Variants in LCA5 observed in about 807,000 individuals in gnomAD.
LCA5 encodes lebercilin LCA5.
In LCA5, 37 loss-of-function variants were observed where a neutral mutation model predicts 53.0. The ratio of observed to expected loss-of-function variants is 0.70; its 90% CI spans 0.54 to 0.92. LCA5 has a LOEUF of 0.92. Ranked by LOEUF, LCA5 falls within the 40% of genes least tolerant of loss-of-function variation. LCA5 has a pLI of 0.00. For missense variants in LCA5, 806 were observed against 790.5 expected, an observed-to-expected ratio of 1.02 and a Z score of -0.23; for synonymous variants, 303 against 282.9, an observed-to-expected ratio of 1.07 and a Z score of -0.71.
At chr6:79,508,749 T>C (rs1770334433) in intron 3 of LCA5, among the ~76,000 whole-genome samples, 1 of 152,182 alleles carries the variant, frequency 6.6e-6, no homozygotes, top group South Asian at 2.1e-4. Flanking sequence ...CAGGATTTTC[T>C]TAGGTTTTAG....
At chr6:79,528,043 C>G (rs940596287) in intron 1 of LCA5, among the ~76,000 whole-genome samples, 2 of 152,150 alleles carry the variant, frequency 1.3e-5, no homozygotes, top group Non-Finnish European at 2.9e-5. Flanking sequence ...TACAAGCCCT[C>G]AACAAGAGTA....
upstream of LCA5, among the ~76,000 whole-genome samples, chr6:79,538,152 A>AG (rs35953381): frequency 2.6e-5 from 1 of 38,984 alleles, no homozygotes; most frequent in African/African-American, 2.1e-4. Flanking sequence ...CAGGGAAGGT[A>AG]AAAAAAAATC....
chr6:79,494,414 T>C (rs1372857441), intron 3 of LCA5, among the ~76,000 whole-genome samples: 2 of 152,118 alleles, frequency 1.3e-5, no homozygotes, highest in African/African-American at 4.8e-5. Flanking sequence ...ATAAAATAAT[T>C]CATGTTGAAA....
At chr6:79,519,698 A>G (rs1766564451) in intron 1 of LCA5, among the ~76,000 whole-genome samples, 1 of 149,718 alleles carries the variant, frequency 6.7e-6, no homozygotes, top group Non-Finnish European at 1.5e-5. Context: ...GCCTGGTGAC[A>G]GAATGAGACT....
Position 79,485,036 on chromosome 6 carries a change from T to C in LCA5, c.*1968A>G, listed in dbSNP as rs1769605861. 6.6e-6 allele frequency: 1 copy of C among 152,468 alleles called. No homozygotes were observed. The highest frequency in any genetic ancestry group is 6.6e-5 in the Admixed American group (1 of 15,266). The allele number at this position is 152,468 out of a possible 1,614,324, so 9.4% of individuals were successfully genotyped here. A position where few individuals can be genotyped will look rare whatever the true frequency, so the allele number is the denominator to read the frequency against. On this transcript the variant is annotated 3_prime_UTR_variant, in exon 8 of 8. Coordinates refer to ENST00000369846, the MANE Select transcript of LCA5 (RefSeq NM_001122769.3). Reference sequence around the variant, plus strand: ...GTAACAGTTCTGAGTACAAATAAATTTAATGACATTTAGAAAAAAAAACAA... The same window carrying C: ...GTAACAGTTCTGAGTACAAATAAATCTAATGACATTTAGAAAAAAAAACAA...
intron 6 of LCA5, 41 bp from the exon 7 acceptor site, chr6:79,489,257 A>G: frequency 6.3e-7 from 1 of 1,597,642 alleles, no homozygotes; most frequent in Non-Finnish European, 8.5e-7. Context: ...CAAATTATAG[A>G]AAAGGGGGGG....
intron 1 of LCA5, among the ~76,000 whole-genome samples, chr6:79,528,968 A>G (rs1178884154): frequency 1.3e-5 from 2 of 152,242 alleles, no homozygotes; most frequent in Non-Finnish European, 2.9e-5. Context: ...AAACTGGCAG[A>G]AAATGCTGGA....
chr6:79,487,646 T>C lies in LCA5; in HGVS notation c.1452A>G (p.Leu484=), dbSNP rs149960315. 4.3e-6 allele frequency: 7 copies of C among 1,614,072 alleles called. No individual in the cohort carries two copies. The highest frequency in any genetic ancestry group is 1.1e-5 in the South Asian group (1 of 91,084). ...IDRELQDSRN[L]KYPVLPLLPD... ...GTAACAATGGCAAAACAGGGTATTTTAGATTTCGAGAATCTTGGAGTTCTC... is the reference window on the plus strand; with the variant it reads ...GTAACAATGGCAAAACAGGGTATTTCAGATTTCGAGAATCTTGGAGTTCTC... The change falls in exon 8 of 8, where the codon CTA becomes CTG. Residue 484 remains leucine, a synonymous_variant. Coordinates refer to ENST00000369846, the MANE Select transcript of LCA5 (RefSeq NM_001122769.3).
At chr6:79,495,215 C>T (rs1204088635) in intron 3 of LCA5, among the ~76,000 whole-genome samples, 1 of 152,186 alleles carries the variant, frequency 6.6e-6, no homozygotes, top group South Asian at 2.1e-4. Context: ...AATGCCTGAT[C>T]ATCTGAGGTG....
At chr6:79,489,553 T>C (rs1212339854) in intron 6 of LCA5, among the ~76,000 whole-genome samples, 1 of 152,120 alleles carries the variant, frequency 6.6e-6, no homozygotes, top group African/African-American at 2.4e-5. Context: ...TTAATTCAGT[T>C]AAGCAGAAAT....
intron 4 of LCA5, 82 bp downstream of exon 4, chr6:79,493,531 G>T: frequency 7.9e-7 from 1 of 1,267,390 alleles, no homozygotes; most frequent in Admixed American, 1.7e-5. Flanking sequence ...TTACAAATAT[G>T]AATAGTAACA....
chr6:79,525,096 A>G (rs1766743038), intron 1 of LCA5: 2 of 152,112 alleles, frequency 1.3e-5, no homozygotes, highest in South Asian at 2.1e-4. Context: ...CTGAGGTAAT[A>G]TATTTTTTTC....
chr6:79,536,786 G>A (rs1277894034), intron 1 of LCA5, among the ~76,000 whole-genome samples: 1 of 152,046 alleles, frequency 6.6e-6, no homozygotes, highest in Non-Finnish European at 1.5e-5. Context: ...CGGGCCTCCG[G>A]GGTTTTTGTT....
At position 79,534,579 on chromosome 6, in the gene LCA5, A is replaced by G. The variant is rs191066603; in HGVS notation, c.-192+2586T>C. 2.6e-5 allele frequency among the ~76,000 whole-genome samples: 4 copies of G among 152,302 alleles called. No individual in the cohort carries two copies. The East Asian group carries it at 7.7e-4, about 29-fold the overall frequency. ...AAAAAAAATAATGCGACAGTCTATA[A>G]GTACTAATGATAAAAGGAAGCAGAG... is the stretch of plus-strand genomic sequence containing the variant. On this transcript the variant is annotated intron_variant, in intron 1 of 7. Transcript: ENST00000369846.
chr6:79,493,704 T>A lies in LCA5; in HGVS notation c.767A>T (p.Gln256Leu). The change falls in exon 4 of 8, where the codon CAG becomes CTG. Residue 256 changes from glutamine (Q) to leucine (L), a missense_variant. Coordinates refer to ENST00000369846, the MANE Select transcript of LCA5 (RefSeq NM_001122769.3). ...TGCCCTTTTCCTTTCAGCAAGCAAC[T>A]GTCGTTGGAAACTGTTAGTACTCAG... ...LELSTNSFQR[Q>L]LLAERKRAYE... The A allele has an allele frequency of 6.2e-7, 1 of 1,613,736 alleles. No individual in the cohort carries two copies. The highest frequency in any genetic ancestry group is 8.5e-7 in the Non-Finnish European group (1 of 1,179,752).
chr6:79,503,642 T>C (rs1016139901), intron 3 of LCA5, among the ~76,000 whole-genome samples: 23 of 152,220 alleles, frequency 1.5e-4, no homozygotes, highest in African/African-American at 5.5e-4. Context: ...TACCAAGCGC[T>C]GAGCCAGACT....
At chr6:79,494,031 T>G (rs1423129614) in intron 3 of LCA5, among the ~76,000 whole-genome samples, 1 of 152,102 alleles carries the variant, frequency 6.6e-6, no homozygotes, top group Admixed American at 6.6e-5. Flanking sequence ...TTGAGAGGCC[T>G]AGGCAGGAGG....
At chr6:79,513,118 T>C (rs1365319159) in intron 3 of LCA5, 94 bp downstream of exon 3, 3 of 1,232,550 alleles carry the variant, frequency 2.4e-6, no homozygotes, top group South Asian at 1.2e-5. Context: ...TCCAAGCAAA[T>C]ACCAAACTGC....
intron 1 of LCA5, among the ~76,000 whole-genome samples, chr6:79,525,896 A>G (rs1221160868): frequency 6.6e-6 from 1 of 152,208 alleles, no homozygotes; most frequent in Non-Finnish European, 1.5e-5. Context: ...GTAAACCTTT[A>G]ATAAAAGAAC....
Sources: allele counts gnomAD v4.1 joint callset (sites outside exome capture counted in the v4.1 genomes callset), GRCh38; gene constraint gnomAD v4.1.1; transcripts MANE v1.5; gene names NCBI Gene and HGNC (gene_info 2026-07-23, HGNC 2026-07-21).